The following CNBD1 variants were observed in gnomAD, a reference collection of about 807,000 sequenced individuals.
CNBD1 encodes cyclic nucleotide-binding domain-containing protein 1.
Under a neutral mutation model 54.4 loss-of-function variants are expected in CNBD1, and 71 were observed. That is an observed-to-expected ratio of 1.30 (90% CI 1.08 to 1.59). CNBD1 has a LOEUF of 1.59. Among genes scored for constraint, CNBD1 ranks in the 40% most tolerant of loss-of-function variants. The pLI is 0.00. For synonymous variants in CNBD1, 182 were observed against 170.7 expected (o/e 1.07, Z -0.51); for missense variants, 659 against 518.0 (o/e 1.27, Z -2.64).
intron 4 of CNBD1, among the ~76,000 whole-genome samples, chr8:86,991,219 A>G (rs1273814792): frequency 6.6e-6 from 1 of 152,096 alleles, no homozygotes; most frequent in Non-Finnish European, 1.5e-5. Flanking sequence ...TATTATGTTG[A>G]ATGACAGTGG....
chr8:87,026,840 C>T (rs887551507), intron 4 of CNBD1, among the ~76,000 whole-genome samples: 2 of 152,164 alleles, frequency 1.3e-5, no homozygotes, highest in Non-Finnish European at 2.9e-5. Flanking sequence ...AAATTAGTCT[C>T]ATTTGTCAGA....
chr8:87,328,233 A>G (rs1039045379), intron 8 of CNBD1, among the ~76,000 whole-genome samples: 3 of 151,852 alleles, frequency 2.0e-5, no homozygotes, highest in South Asian at 4.2e-4. Context: ...TGAAGAGGCT[A>G]TATTTCCTTC....
At chr8:86,969,780 TTA>T (rs532815249) in intron 4 of CNBD1, among the ~76,000 whole-genome samples, 89 of 145,340 alleles carry the variant, frequency 6.1e-4, no homozygotes, top group Middle Eastern at 3.5e-3. Flanking sequence ...GACTAGTGTT[TTA>T]TATATATATA....
intron 5 of CNBD1, among the ~76,000 whole-genome samples, chr8:87,226,020 AT>A (rs1270217357): frequency 6.6e-6 from 1 of 151,206 alleles, no homozygotes; most frequent in African/African-American, 2.4e-5. Flanking sequence ...TTTCTAGTTT[AT>A]TTGCGTAGAG....
At chr8:87,384,915 G>C (rs180749645), downstream of CNBD1, among the ~76,000 whole-genome samples, 1 of 152,186 alleles carries the variant, frequency 6.6e-6, no homozygotes. Context: ...GATGGAATCA[G>C]AGTAATAGCA....
intron 8 of CNBD1, among the ~76,000 whole-genome samples, chr8:87,311,269 C>T (rs1236266014): frequency 1.3e-5 from 2 of 151,878 alleles, no homozygotes; most frequent in Non-Finnish European, 2.9e-5. Context: ...AACAAAAAAA[C>T]TCACCTAAAA....
At chr8:86,932,334 A>G (rs1809470957) in intron 3 of CNBD1, among the ~76,000 whole-genome samples, 1 of 152,232 alleles carries the variant, frequency 6.6e-6, no homozygotes, top group African/African-American at 2.4e-5. Flanking sequence ...CCCTCCCCCT[A>G]CAGCTTGAAG....
chr8:87,167,278 T>C (rs1178658376), intron 4 of CNBD1, among the ~76,000 whole-genome samples: 1 of 151,970 alleles, frequency 6.6e-6, no homozygotes, highest in Non-Finnish European at 1.5e-5. Flanking sequence ...TCAGGGTACT[T>C]AGTATATCGA....
intron 4 of CNBD1, among the ~76,000 whole-genome samples, chr8:87,060,696 A>G (rs1217125263): frequency 6.6e-6 from 1 of 152,176 alleles, no homozygotes; most frequent in African/African-American, 2.4e-5. Context: ...AAAAGCCTAC[A>G]TGAATATTTA....
At chr8:87,354,144 C>A (rs1810370138) in intron 10 of CNBD1, among the ~76,000 whole-genome samples, 1 of 152,132 alleles carries the variant, frequency 6.6e-6, no homozygotes, top group Non-Finnish European at 1.5e-5. Context: ...TGTGTCCTGT[C>A]CTTCCTGCAA....
chr8:86,933,074 G>A (rs1809483533), intron 3 of CNBD1, among the ~76,000 whole-genome samples: 1 of 152,142 alleles, frequency 6.6e-6, no homozygotes, highest in Non-Finnish European at 1.5e-5. Flanking sequence ...TACCCTGAGG[G>A]AGGGAAGGGA....
chr8:86,975,363 T>C (rs1475537958), intron 4 of CNBD1, among the ~76,000 whole-genome samples: 1 of 152,002 alleles, frequency 6.6e-6, no homozygotes, highest in African/African-American at 2.4e-5. Flanking sequence ...TTGATCAACA[T>C]CTCTTCCTGT....
chr8:87,116,421 C>T (rs902060795), intron 4 of CNBD1, among the ~76,000 whole-genome samples: 4 of 151,704 alleles, frequency 2.6e-5, no homozygotes, highest in African/African-American at 9.7e-5. Flanking sequence ...ACTGTGTTGC[C>T]CAGGCTGGTC....
At chr8:87,282,005 G>T (rs1049294385) in intron 6 of CNBD1, among the ~76,000 whole-genome samples, 18 of 148,476 alleles carry the variant, frequency 1.2e-4, no homozygotes, top group African/African-American at 4.0e-4. Flanking sequence ...AACTGTTTTG[G>T]TTATTTTCTT....
intron 4 of CNBD1, among the ~76,000 whole-genome samples, chr8:86,999,054 T>C (rs146317625): frequency 6.6e-6 from 1 of 152,368 alleles, no homozygotes; most frequent in African/African-American, 2.4e-5. Context: ...TATCAATATT[T>C]AAATGTCCAT....
At chr8:86,969,095 T>A (rs755366008) in intron 4 of CNBD1, among the ~76,000 whole-genome samples, 11 of 152,194 alleles carry the variant, frequency 7.2e-5, no homozygotes, top group Admixed American at 1.3e-4. Context: ...CGAATTTTCC[T>A]TTGGTTTAAG....
In CNBD1 at chr8:86,944,975, C is replaced by A. The variant is rs192154140; in HGVS notation, c.431+5221C>A. ...TGAACAGACAGTCCTTGAAGCAAATCAGGTTCATTGCTCAGTTTGACCACT... is the reference window on the plus strand; with the variant it reads ...TGAACAGACAGTCCTTGAAGCAAATAAGGTTCATTGCTCAGTTTGACCACT... On this transcript the variant is annotated intron_variant, in intron 4 of 10. Coordinates refer to ENST00000518476, the MANE Select transcript of CNBD1 (RefSeq NM_173538.3). Among the ~76,000 whole-genome samples, 16 of 152,266 alleles carry A rather than the reference C, an allele frequency of 1.1e-4. No homozygotes were observed. In the East Asian group the frequency reaches 3.1e-3, roughly 29 times the overall value.
chr8:87,129,179 C>G (rs953402506), intron 4 of CNBD1, among the ~76,000 whole-genome samples: 1 of 148,530 alleles, frequency 6.7e-6, no homozygotes, highest in Non-Finnish European at 1.5e-5. Flanking sequence ...ATTCTAGTTT[C>G]ACAGAGTGTG....
intron 3 of CNBD1, among the ~76,000 whole-genome samples, chr8:86,928,562 G>A (rs947836538): frequency 5.3e-5 from 8 of 152,166 alleles, no homozygotes; most frequent in Non-Finnish European, 7.3e-5. Context: ...TCATGAATTA[G>A]GACTTTAACT....
Sources: allele counts gnomAD v4.1 joint callset (sites outside exome capture counted in the v4.1 genomes callset), GRCh38; gene constraint gnomAD v4.1.1; transcripts MANE v1.5; gene names NCBI Gene and HGNC (gene_info 2026-07-23, HGNC 2026-07-21).